The following SBSPON variants were observed in gnomAD, a reference collection of about 807,000 sequenced individuals.
SBSPON encodes the protein somatomedin B and thrombospondin type 1 domain containing.
SBSPON carries 30 observed loss-of-function variants against 35.8 expected under a neutral mutation model. That is an observed-to-expected ratio of 0.84 (90% confidence interval 0.63 to 1.14). SBSPON has a LOEUF of 1.14. Ranked by LOEUF, SBSPON falls within the 50% of genes most tolerant of loss-of-function variation. The probability of loss-of-function intolerance (pLI) is 0.00; values close to 1 mark genes in which losing one functional copy is unlikely to be tolerated. For synonymous variants in SBSPON, 136 were observed against 135.9 expected, an observed-to-expected ratio of 1.00 and a Z score of 0.00; for missense variants, 364 against 357.7, an observed-to-expected ratio of 1.02 and a Z score of -0.14.
intron 3 of SBSPON, among the ~76,000 whole-genome samples, chr8:73,070,890 A>G (rs1810482205): frequency 1.3e-5 from 2 of 152,246 alleles, no homozygotes; most frequent in African/African-American, 2.4e-5. Flanking sequence ...TGCTTTAAAG[A>G]TCTTTAAGAA....
intron 1 of SBSPON, 152 bp downstream of exon 1, chr8:73,092,702 G>T: frequency 1.6e-6 from 1 of 608,632 alleles, no homozygotes; most frequent in Non-Finnish European, 2.9e-6. Context: ...ACGGAGCCGG[G>T]CGTACCTGGA....
At chr8:73,086,813 A>C (rs1810835487) in intron 1 of SBSPON, among the ~76,000 whole-genome samples, 1 of 152,244 alleles carries the variant, frequency 6.6e-6, no homozygotes, top group Admixed American at 6.5e-5. Flanking sequence ...ACAGGTTTCC[A>C]GGTGAGTTGC....
chr8:73,087,523 G>T (rs376803080), intron 1 of SBSPON, among the ~76,000 whole-genome samples: 49 of 152,028 alleles, frequency 3.2e-4, no homozygotes, highest in African/African-American at 9.2e-4. Context: ...GGCCCCGCTC[G>T]TTTTTTTTCT....
At chr8:73,082,795 C>A (rs1035448544) in intron 1 of SBSPON, among the ~76,000 whole-genome samples, 1 of 152,134 alleles carries the variant, frequency 6.6e-6, no homozygotes, top group Non-Finnish European at 1.5e-5. Flanking sequence ...TCCTAGGCTG[C>A]GAGCTGATTG....
Position 73,071,768 on chromosome 8 carries a change from A to AC in SBSPON, c.500+11dup, listed in dbSNP as rs1324272499. 1.4e-5 allele frequency: 21 copies of AC among 1,534,064 alleles called. No individual in the cohort carries two copies. The East Asian group carries it at 1.8e-4, about 13-fold the overall frequency. ...AAAACATGATTAAAAAAAAAAAAAA[A>AC]CACGAAATTACCCAGCATCCTCTGT... On this transcript the variant is annotated intron_variant, in intron 3 of 4. Transcript: ENST00000297354.
chr8:73,086,048 A>T (rs1308282476), intron 1 of SBSPON, among the ~76,000 whole-genome samples: 1 of 152,204 alleles, frequency 6.6e-6, no homozygotes, highest in Non-Finnish European at 1.5e-5. Flanking sequence ...CCATTTATGC[A>T]TAGCTATTGT....
intron 1 of SBSPON, among the ~76,000 whole-genome samples, chr8:73,089,559 C>CAA (rs57649090): frequency 0.028 from 3,089 of 112,220 alleles, 96 homozygotes; most frequent in African/African-American, 0.077. Context: ...GACTCCGTCT[C>CAA]AAAAAAAAAA....
chr8:73,088,604 A>G (rs1171935640), intron 1 of SBSPON, among the ~76,000 whole-genome samples: 2 of 152,136 alleles, frequency 1.3e-5, no homozygotes, highest in African/African-American at 4.8e-5. Flanking sequence ...GAACCTGTGA[A>G]GCAGAAGTGT....
chr8:73,085,664 C>T (rs534469331), intron 1 of SBSPON: 1 of 152,278 alleles, frequency 6.6e-6, no homozygotes, highest in East Asian at 1.9e-4. Context: ...ACACCCTATT[C>T]TCAGCCTTTA....
chr8:73,091,457 G>A (rs945635446), intron 1 of SBSPON, among the ~76,000 whole-genome samples: 2 of 152,206 alleles, frequency 1.3e-5, no homozygotes, highest in South Asian at 4.1e-4. Flanking sequence ...CCACAGATCA[G>A]GGGACATTAG....
chr8:73,072,530 G>A (rs751965972), intron 2 of SBSPON, among the ~76,000 whole-genome samples: 22 of 152,212 alleles, frequency 1.4e-4, no homozygotes, highest in East Asian at 3.9e-4. Flanking sequence ...TTAGCCGGGC[G>A]TGGTGGCAAG....
chr8:73,073,576 C>T (rs979789856), intron 2 of SBSPON, among the ~76,000 whole-genome samples: 3 of 152,150 alleles, frequency 2.0e-5, no homozygotes, highest in African/African-American at 7.2e-5. Flanking sequence ...AAGCCCAAGG[C>T]AGGCAGCTCA....
chr8:73,080,963 A>G, intron 2 of SBSPON, 56 bp downstream of exon 2: 3 of 1,444,234 alleles, frequency 2.1e-6, no homozygotes, highest in South Asian at 1.4e-5. Context: ...TGTAGGATGA[A>G]GTGGTCAAAA....
At chr8:73,085,945 C>G (rs540099403) in intron 1 of SBSPON, 1 of 152,220 alleles carries the variant, frequency 6.6e-6, no homozygotes, top group African/African-American at 2.4e-5. Context: ...TTAAGGCCAC[C>G]CACAAACAAG....
Position 73,081,209 on chromosome 8 carries a change from G to A in SBSPON, c.219C>T (p.Arg73=), listed in dbSNP as rs1810696892. ...CFDYDRACPA[R]PCFVGEWSPW... ...GGCTCCATTCCCCCACGAAGCACGG[G>A]CGAGCTGAAAAACAGCACAATAGGA... The change falls in exon 2 of 5, where the codon CGC becomes CGT. Residue 73 remains arginine, a synonymous_variant. Coordinates refer to ENST00000297354, the MANE Select transcript of SBSPON (RefSeq NM_153225.4). 3 of 1,578,324 alleles carry A rather than the reference G, an allele frequency of 1.9e-6. No homozygotes were observed. Among genetic ancestry groups the A allele is most frequent in the Non-Finnish European group, 2.6e-6 (3 of 1,160,862 alleles).
chr8:73,071,869 A>C lies in SBSPON; in HGVS notation c.411T>G (p.Val137=). ...PQGQDCGHTY[V]PAFITTSAFN... ...ATGCAGAGGTAGTTATAAAGGCAGG[A>C]ACTGGAAAAGGGAGATTTCTGTTGA... Residue 137 remains valine, a splice_region_variant and synonymous_variant, in exon 3 of 5, where the codon GTT becomes GTG. Transcript: ENST00000297354. 1 of 1,600,192 alleles carries C rather than the reference A, an allele frequency of 6.2e-7. No individual in the cohort carries two copies. The highest frequency in any genetic ancestry group is 8.6e-7 in the Non-Finnish European group (1 of 1,167,430).
chr8:73,080,635 A>C (rs1477862430), intron 2 of SBSPON, among the ~76,000 whole-genome samples: 4 of 152,180 alleles, frequency 2.6e-5, no homozygotes, highest in African/African-American at 9.7e-5. Context: ...GGAAGGTGAA[A>C]TAGCGTTATA....
intron 1 of SBSPON, among the ~76,000 whole-genome samples, chr8:73,081,847 T>C (rs1810711705): frequency 6.6e-6 from 1 of 152,112 alleles, no homozygotes; most frequent in Non-Finnish European, 1.5e-5. Context: ...GGCTGAAGTT[T>C]AGAGATGAGC....
At chr8:73,075,188 G>A (rs1281224758) in intron 2 of SBSPON, among the ~76,000 whole-genome samples, 2 of 152,056 alleles carry the variant, frequency 1.3e-5, no homozygotes, top group Non-Finnish European at 2.9e-5. Context: ...CTGTTTTTCA[G>A]GACTTTCTAT....
Sources: allele counts gnomAD v4.1 joint callset (sites outside exome capture counted in the v4.1 genomes callset), GRCh38; gene constraint gnomAD v4.1.1; transcripts MANE v1.5; gene names NCBI Gene and HGNC (gene_info 2026-07-23, HGNC 2026-07-21).